The following ODAD2 variants were observed in gnomAD, a reference collection of about 807,000 sequenced individuals.
ODAD2 encodes the protein outer dynein arm-docking complex subunit 2.
Under a neutral mutation model 106.8 loss-of-function variants are expected in ODAD2, and 89 were observed. That is an observed-to-expected ratio of 0.83 (90% CI 0.70 to 0.99). The LOEUF is 0.99. Among genes scored for constraint, ODAD2 ranks in the 50% least tolerant of loss-of-function variants. The pLI, the probability that ODAD2 is intolerant of heterozygous loss-of-function variation, is 0.00. For synonymous variants in ODAD2, 404 were observed against 436.2 expected, an observed-to-expected ratio of 0.93 and a Z score of 0.92; for missense variants, 1,168 against 1,238.5, an observed-to-expected ratio of 0.94 and a Z score of 0.85.
At position 27,982,232 on chromosome 10, in the gene ODAD2, T is replaced by C. The variant is rs992547235; in HGVS notation, c.820-650A>G. ...TATAAATACATATAACTGCAGTTTG[T>C]TATATATAACTGTATACACAAAAAC... On this transcript the variant is annotated intron_variant, in intron 6 of 19. Coordinates refer to ENST00000305242, the MANE Select transcript of ODAD2 (RefSeq NM_018076.5). Among the ~76,000 whole-genome samples the C allele has an allele frequency of 9.2e-5, 14 of 152,158 alleles. 1 individual carries two copies. Among genetic ancestry groups the C allele is most frequent in the African/African-American group, 3.4e-4 (14 of 41,434 alleles).
At chr10:27,979,999 G>C (rs1297074752) in intron 7 of ODAD2, among the ~76,000 whole-genome samples, 16 of 152,154 alleles carry the variant, frequency 1.1e-4, no homozygotes, top group African/African-American at 4.8e-5. Context: ...CAATGGAATA[G>C]AATTAAAAGT....
intron 19 of ODAD2, among the ~76,000 whole-genome samples, chr10:27,842,893 T>C (rs1328460437): frequency 1.3e-5 from 2 of 152,228 alleles, no homozygotes; most frequent in African/African-American, 4.8e-5. Flanking sequence ...ATACTCAACA[T>C]CAATCAGTGC....
At chr10:27,936,644 C>A in intron 15 of ODAD2, 82 bp downstream of exon 15, 1 of 1,443,020 alleles carries the variant, frequency 6.9e-7, no homozygotes, top group Non-Finnish European at 9.7e-7. Flanking sequence ...AGAATTGACT[C>A]CTTACTAGAA....
At chr10:27,859,784 G>C (rs1839914730) in intron 19 of ODAD2, among the ~76,000 whole-genome samples, 1 of 152,146 alleles carries the variant, frequency 6.6e-6, no homozygotes, top group African/African-American at 2.4e-5. Flanking sequence ...GCAATGTGTA[G>C]GTAAGTTAGA....
At chr10:27,880,750 A>ATCTTGGACT (rs1841647453) in intron 17 of ODAD2, among the ~76,000 whole-genome samples, 1 of 152,186 alleles carries the variant, frequency 6.6e-6, no homozygotes, top group African/African-American at 2.4e-5. Context: ...CAGTGCCTTG[A>ATCTTGGACT]TCTTGGACTT....
At chr10:27,887,230 A>G (rs1328653460) in intron 17 of ODAD2, among the ~76,000 whole-genome samples, 1 of 152,056 alleles carries the variant, frequency 6.6e-6, no homozygotes, top group African/African-American at 2.4e-5. Context: ...ATAACAGACA[A>G]AATAGCCTTA....
chr10:27,872,343 T>C (rs1248942479), intron 17 of ODAD2, among the ~76,000 whole-genome samples: 2 of 151,900 alleles, frequency 1.3e-5, no homozygotes, highest in Non-Finnish European at 2.9e-5. Flanking sequence ...TAAATACCCT[T>C]TATTTCTTTC....
chr10:27,818,398 C>T (rs188915016), intron 19 of ODAD2, among the ~76,000 whole-genome samples: 152 of 152,078 alleles, frequency 1.0e-3, no homozygotes, highest in Middle Eastern at 3.4e-3. Context: ...TTCATGAGTC[C>T]CTGTCTTGAC....
intron 19 of ODAD2, among the ~76,000 whole-genome samples, chr10:27,816,383 T>C (rs1395661054): frequency 6.6e-6 from 1 of 152,204 alleles, no homozygotes; most frequent in Non-Finnish European, 1.5e-5. Flanking sequence ...TTGGAGGGGC[T>C]CATGCCTTGG....
intron 17 of ODAD2, among the ~76,000 whole-genome samples, chr10:27,893,565 A>G (rs2133730462): frequency 2.0e-5 from 2 of 101,494 alleles, no homozygotes; most frequent in South Asian, 6.5e-4. Flanking sequence ...ACGTTATTTC[A>G]AAGTGATGCC....
At chr10:27,913,211 A>G (rs1844131162) in intron 16 of ODAD2, among the ~76,000 whole-genome samples, 1 of 152,012 alleles carries the variant, frequency 6.6e-6, no homozygotes, top group African/African-American at 2.4e-5. Flanking sequence ...GGTTTGGTGT[A>G]CAGATTATTT....
chr10:27,843,055 G>A (rs949040414), intron 19 of ODAD2, among the ~76,000 whole-genome samples: 9 of 152,146 alleles, frequency 5.9e-5, no homozygotes, highest in Admixed American at 3.3e-4. Context: ...TGTATGATTT[G>A]TAAAGAATGT....
intron 16 of ODAD2, among the ~76,000 whole-genome samples, chr10:27,924,900 T>A (rs534207730): frequency 2.9e-4 from 43 of 150,206 alleles, no homozygotes; most frequent in Non-Finnish European, 4.7e-4. Context: ...AAACTGTAGG[T>A]CCATATAATT....
Position 27,833,578 on chromosome 10 carries a change from T to C in ODAD2, c.3022-20953A>G, listed in dbSNP as rs1476497651. 3.3e-5 allele frequency among the ~76,000 whole-genome samples: 5 copies of C among 152,258 alleles called. No homozygotes were observed. In the East Asian group the frequency reaches 9.6e-4, roughly 29 times the overall value. On this transcript the variant is annotated intron_variant, in intron 19 of 19. Transcript: ENST00000305242. ...ATCTCTCCTCAAATACTTTTTATTT[T>C]GTCTTCACATTTGAAGAGTATTTTG...
At chr10:27,827,962 A>C (rs1404978741) in intron 19 of ODAD2, among the ~76,000 whole-genome samples, 3 of 152,196 alleles carry the variant, frequency 2.0e-5, no homozygotes, top group Non-Finnish European at 4.4e-5. Context: ...ATTGGCCAGA[A>C]GGAGATGCAG....
intron 17 of ODAD2, among the ~76,000 whole-genome samples, chr10:27,899,422 T>C (rs1289139516): frequency 2.6e-5 from 4 of 152,004 alleles, no homozygotes; most frequent in Non-Finnish European, 5.9e-5. Context: ...GCAGGAGTGT[T>C]TTTTTCATAC....
intron 16 of ODAD2, among the ~76,000 whole-genome samples, chr10:27,924,930 A>G (rs1845151333): frequency 6.6e-6 from 1 of 151,648 alleles, no homozygotes; most frequent in African/African-American, 2.4e-5. Flanking sequence ...ACTTCTACCA[A>G]ACCTTCAAAG....
chr10:27,909,875 T>C (rs1843878717), intron 16 of ODAD2, among the ~76,000 whole-genome samples: 1 of 140,868 alleles, frequency 7.1e-6, no homozygotes, highest in African/African-American at 2.6e-5. Context: ...TAACTTCCTA[T>C]GACAAGAACA....
intron 17 of ODAD2, among the ~76,000 whole-genome samples, chr10:27,880,383 T>C (rs1322156121): frequency 1.3e-5 from 2 of 152,230 alleles, no homozygotes; most frequent in Non-Finnish European, 2.9e-5. Flanking sequence ...AAAAAATTCC[T>C]TTGGGAGGCA....
Sources: gnomAD v4.1 joint callset for allele counts (sites outside exome capture counted in the v4.1 genomes callset) on GRCh38, gnomAD v4.1.1 for gene constraint, MANE v1.5 for transcripts, NCBI Gene and HGNC (gene_info 2026-07-23, HGNC 2026-07-21) for gene names.